Variants in EYS observed in about 807,000 individuals in gnomAD.
EYS encodes EGF-like photoreceptor maintenance factor.
Under a neutral mutation model 282.1 loss-of-function variants are expected in EYS, and 250 were observed. The observed-to-expected ratio is 0.89, with a 90% CI of 0.80 to 0.98. The LOEUF is 0.98. EYS is among the 50% of genes least tolerant of loss of function. EYS has a pLI of 0.00. For synonymous variants in EYS, 1,355 were observed against 1,282.9 expected (o/e 1.06, Z -1.20); for missense variants, 4,016 against 3,709.0 (o/e 1.08, Z -2.15).
At chr6:64,535,987 A>G (rs1049329705) in intron 26 of EYS, among the ~76,000 whole-genome samples, 29 of 152,134 alleles carry the variant, frequency 1.9e-4, no homozygotes, top group African/African-American at 5.3e-4. Context: ...GCTTAGTTTT[A>G]TTTTTAATTC....
At chr6:64,090,597 T>C (rs551890900) in intron 31 of EYS, among the ~76,000 whole-genome samples, 1 of 152,152 alleles carries the variant, frequency 6.6e-6, no homozygotes, top group South Asian at 2.1e-4. Context: ...TTAATTTTTT[T>C]TGTGTGTCCT....
chr6:64,972,975 G>A (rs1770347968), intron 14 of EYS, among the ~76,000 whole-genome samples: 1 of 151,902 alleles, frequency 6.6e-6, no homozygotes, highest in African/African-American at 2.4e-5. Flanking sequence ...AGAATCACAG[G>A]TAGAAAAATC....
At chr6:64,311,661 C>A (rs1323952857) in intron 29 of EYS, among the ~76,000 whole-genome samples, 1 of 152,176 alleles carries the variant, frequency 6.6e-6, no homozygotes, top group Non-Finnish European at 1.5e-5. Flanking sequence ...TTCTGCATTT[C>A]CAAATGAGGT....
chr6:64,657,715 G>A (rs534462858), intron 22 of EYS, among the ~76,000 whole-genome samples: 248 of 152,222 alleles, frequency 1.6e-3, no homozygotes, highest in African/African-American at 5.6e-3. Flanking sequence ...AGTTTCTGCC[G>A]AGAGATCAGC....
chr6:65,600,144 C>T (rs1210214601), intron 2 of EYS, among the ~76,000 whole-genome samples: 3 of 151,982 alleles, frequency 2.0e-5, no homozygotes, highest in East Asian at 3.9e-4. Flanking sequence ...GTAGTGATTC[C>T]TAACCTTTTG....
chr6:65,543,864 G>C (rs1349931930), intron 2 of EYS, among the ~76,000 whole-genome samples: 2 of 152,130 alleles, frequency 1.3e-5, no homozygotes, highest in South Asian at 4.1e-4. Flanking sequence ...ATAGTAATTC[G>C]TCAACTTCTC....
intron 35 of EYS, among the ~76,000 whole-genome samples, chr6:63,975,004 A>G (rs1476974721): frequency 6.6e-6 from 1 of 151,948 alleles, no homozygotes; most frequent in Non-Finnish European, 1.5e-5. Flanking sequence ...AAGCAACTAA[A>G]AACCCTACAG....
At chr6:64,431,984 C>T in intron 28 of EYS, among the ~76,000 whole-genome samples, 1 of 152,030 alleles carries the variant, frequency 6.6e-6, no homozygotes, top group East Asian at 1.9e-4. Context: ...ATCATATGCC[C>T]TTTTTCAAAA....
At chr6:65,023,170 A>T (rs1772299424) in intron 13 of EYS, among the ~76,000 whole-genome samples, 1 of 152,186 alleles carries the variant, frequency 6.6e-6, no homozygotes, top group African/African-American at 2.4e-5. Flanking sequence ...ATCTCAACTG[A>T]ATATTGAATT....
chr6:65,617,199 G>GA (rs202237699), intron 2 of EYS, among the ~76,000 whole-genome samples: 2,044 of 151,824 alleles, frequency 0.013, 33 homozygotes, highest in African/African-American at 0.046. Flanking sequence ...TTGACCTGGA[G>GA]AAAAAAAATA....
At position 63,895,313 on chromosome 6, in the gene EYS, T is replaced by C. The variant is rs115918935; in HGVS notation, c.7056-30955A>G. 4.6e-3 allele frequency among the ~76,000 whole-genome samples: 699 copies of C among 152,294 alleles called. 7 individuals are homozygous for C. The highest frequency in any genetic ancestry group is 0.015 in the African/African-American group (635 of 41,542). On this transcript the variant is annotated intron_variant, in intron 35 of 42. Transcript: ENST00000503581. ...TACTATAATATAGTATTAATTACTG[T>C]ACAATATAAGAGAAAATGGAGGCAA...
At chr6:64,907,701 C>T (rs916050073) in intron 16 of EYS, among the ~76,000 whole-genome samples, 20 of 152,144 alleles carry the variant, frequency 1.3e-4, no homozygotes, top group Non-Finnish European at 2.8e-4. Context: ...AAGGCCTCTT[C>T]TCTCAGCATC....
intron 5 of EYS, among the ~76,000 whole-genome samples, chr6:65,446,822 A>AT (rs200875252): frequency 6.6e-6 from 1 of 151,192 alleles, no homozygotes; most frequent in Non-Finnish European, 1.5e-5. Flanking sequence ...TAAGAAACAT[A>AT]AAATATTACA....
intron 13 of EYS, among the ~76,000 whole-genome samples, chr6:65,053,088 A>G (rs967551002): frequency 6.6e-6 from 1 of 151,834 alleles, no homozygotes; most frequent in African/African-American, 2.4e-5. Context: ...AAGTAATTAC[A>G]CCAAGATTTT....
intron 12 of EYS, among the ~76,000 whole-genome samples, chr6:65,199,404 T>C (rs1765846626): frequency 6.6e-6 from 1 of 152,126 alleles, no homozygotes; most frequent in South Asian, 2.1e-4. Context: ...TCCTACTCAA[T>C]TGTTATGACA....
chr6:65,612,872 T>G (rs1299219703), intron 2 of EYS, among the ~76,000 whole-genome samples: 3 of 147,400 alleles, frequency 2.0e-5, no homozygotes, highest in Non-Finnish European at 1.5e-5. Flanking sequence ...AAGTATTTTG[T>G]TTTTTTTACT....
intron 22 of EYS, among the ~76,000 whole-genome samples, chr6:64,808,910 C>T (rs1383945602): frequency 6.6e-6 from 1 of 151,972 alleles, no homozygotes; most frequent in Non-Finnish European, 1.5e-5. Context: ...GTCCAATACT[C>T]AAAATTTAAT....
At chr6:63,788,566 T>C (rs1330583869) in intron 38 of EYS, among the ~76,000 whole-genome samples, 6 of 152,030 alleles carry the variant, frequency 3.9e-5, no homozygotes, top group Non-Finnish European at 8.8e-5. Context: ...ACCACCAGAG[T>C]CCTTTATCAA....
intron 30 of EYS, among the ~76,000 whole-genome samples, chr6:64,245,476 G>C (rs1766982103): frequency 1.3e-5 from 2 of 149,160 alleles, no homozygotes; most frequent in Admixed American, 6.6e-5. Flanking sequence ...CACTGCACCT[G>C]GCTTATACTC....
Sources: gnomAD v4.1 joint callset for allele counts (sites outside exome capture counted in the v4.1 genomes callset) on GRCh38, gnomAD v4.1.1 for gene constraint, MANE v1.5 for transcripts, NCBI Gene and HGNC (gene_info 2026-07-23, HGNC 2026-07-21) for gene names.